Variants in PGBD2 observed in about 807,000 individuals in gnomAD.
The protein encoded by PGBD2 is piggyBac transposable element derived 2.
PGBD2 carries 6 observed loss-of-function variants against 8.1 expected under a neutral mutation model. That is an observed-to-expected ratio of 0.74 (90% confidence interval 0.40 to 1.46). The LOEUF (loss-of-function observed/expected upper bound fraction) is 1.46. PGBD2 is among the 40% of genes most tolerant of loss of function. The pLI, the probability that PGBD2 is intolerant of heterozygous loss-of-function variation, is 0.02. For synonymous variants in PGBD2, 318 were observed against 272.2 expected, an observed-to-expected ratio of 1.17 and a Z score of -1.66; for missense variants, 802 against 739.0, an observed-to-expected ratio of 1.09 and a Z score of -0.99.
chr1:248,919,857 T>A (rs1432186415), downstream of PGBD2: 2 of 164,032 alleles, frequency 1.2e-5, no homozygotes, highest in Admixed American at 6.5e-5. Context: ...GCACTTTTTT[T>A]ATACCTGTTT....
chr1:248,902,876 G>A (rs1363080460), upstream of PGBD2, among the ~76,000 whole-genome samples: 3 of 152,148 alleles, frequency 2.0e-5, no homozygotes, highest in African/African-American at 7.2e-5. Context: ...TATGGGGAGG[G>A]AGAGCATCAG....
At chr1:248,889,949 C>T in the PGBD2 span, among the ~76,000 whole-genome samples, 11 of 134,938 alleles carry the variant, frequency 8.2e-5, no homozygotes, top group African/African-American at 1.9e-4. Flanking sequence ...TTTTTTGAGA[C>T]GGAGTTTCGC....
At chr1:248,880,346 T>C in the PGBD2 span, among the ~76,000 whole-genome samples, 2 of 152,332 alleles carry the variant, frequency 1.3e-5, no homozygotes, top group African/African-American at 4.8e-5. Context: ...TTTGTAATGT[T>C]GTTGTTGCCA....
In PGBD2 at chr1:248,917,040, A is replaced by G; in HGVS notation, c.456A>G (p.Gly152=). The change falls in exon 3 of 3, where the codon GGA becomes GGG. Residue 152 remains glycine (G), a synonymous_variant. Transcript: ENST00000329291. The stretch of plus-strand genomic sequence containing the variant: ...TTTTTGAGTTGTTTTTTGATGAAGG[A>G]ACAATTAATTTCATTGTTAATGAAA... ...VGLFELFFDE[G]TINFIVNETN... 6.2e-7 allele frequency: 1 copy of G among 1,613,684 alleles called. No individual in the cohort carries two copies. Among genetic ancestry groups the G allele is most frequent in the Non-Finnish European group, 8.5e-7 (1 of 1,179,920 alleles).
At chr1:248,912,766 T>A (rs1272087420) in intron 1 of PGBD2, 2 of 151,920 alleles carry the variant, frequency 1.3e-5, no homozygotes, top group Non-Finnish European at 2.9e-5. Context: ...ATTGGTCCAA[T>A]TTTAGTATAT....
the PGBD2 span, among the ~76,000 whole-genome samples, chr1:248,889,793 G>A: frequency 1.3e-5 from 2 of 152,156 alleles, no homozygotes; most frequent in Admixed American, 6.5e-5. Context: ...AGACTCGGGG[G>A]ATATGCTTGC....
chr1:248,920,221 C>T (rs1446673800), downstream of PGBD2, among the ~76,000 whole-genome samples: 1 of 152,002 alleles, frequency 6.6e-6, no homozygotes, highest in African/African-American at 2.4e-5. Flanking sequence ...CATAGGTATA[C>T]ACGTGCCATG....
intron 1 of PGBD2, 52 bp downstream of exon 1, chr1:248,906,394 G>A (rs1442174856): frequency 6.6e-6 from 1 of 152,172 alleles, no homozygotes; most frequent in East Asian, 1.9e-4. Context: ...GAGTACAGGA[G>A]TGGTTGGCGT....
At chr1:248,929,667 T>A in the PGBD2 span, among the ~76,000 whole-genome samples, 2 of 152,190 alleles carry the variant, frequency 1.3e-5, no homozygotes, top group African/African-American at 4.8e-5. Flanking sequence ...TCAGACACCA[T>A]CATCATTAGT....
the PGBD2 span, among the ~76,000 whole-genome samples, chr1:248,896,055 T>C: frequency 6.6e-6 from 1 of 152,104 alleles, no homozygotes; most frequent in Non-Finnish European, 1.5e-5. Context: ...AAGTCTATTA[T>C]ATCATTCTTA....
chr1:248,879,267 G>A, the PGBD2 span, among the ~76,000 whole-genome samples: 3 of 152,190 alleles, frequency 2.0e-5, no homozygotes, highest in Admixed American at 6.5e-5. Context: ...TAGAGGTGGC[G>A]ATGAATGTCT....
Position 248,918,035 on chromosome 1 carries a change from C to G in PGBD2, c.1451C>G (p.Ser484Ter), listed in dbSNP as rs1662179140. 6.2e-7 allele frequency: 1 copy of G among 1,614,060 alleles called. No homozygotes were observed. Among genetic ancestry groups the G allele is most frequent in the South Asian group, 1.1e-5 (1 of 91,080 alleles). The change falls in exon 3 of 3, where the codon TCA becomes TGA. Residue 484 changes from serine (S) to a stop codon, truncating the protein, a stop_gained. Coordinates refer to ENST00000329291, the MANE Select transcript of PGBD2 (RefSeq NM_170725.3). LOFTEE classifies it low-confidence loss of function (END_TRUNC). Reference protein sequence around the residue: ...KVKIRGMKWYSSFIGYVIDAA... With the variant: ...KVKIRGMKWY Reference sequence around the variant, plus strand: ...AAGATCCGAGGCATGAAGTGGTACTCAAGCTTTATTGGCTATGTCATTGAT... The same window carrying G: ...AAGATCCGAGGCATGAAGTGGTACTGAAGCTTTATTGGCTATGTCATTGAT...
the PGBD2 span, among the ~76,000 whole-genome samples, chr1:248,898,719 G>A: frequency 2.4e-3 from 363 of 152,198 alleles, 9 homozygotes; most frequent in East Asian, 0.061. Context: ...AAAATAACCA[G>A]CTAGCATCAT....
the PGBD2 span, among the ~76,000 whole-genome samples, chr1:248,891,665 A>G: frequency 6.6e-6 from 1 of 152,102 alleles, no homozygotes; most frequent in Non-Finnish European, 1.5e-5. Context: ...CCTCATCTCT[A>G]CTAAAAATTT....
At chr1:248,880,229 C>T in the PGBD2 span, among the ~76,000 whole-genome samples, 3,840 of 152,254 alleles carry the variant, frequency 0.025, 83 homozygotes, top group Admixed American at 0.037. Context: ...GCTGTTGTCT[C>T]CACCCTGGAT....
At chr1:248,898,178 T>C in the PGBD2 span, among the ~76,000 whole-genome samples, 2 of 152,170 alleles carry the variant, frequency 1.3e-5, no homozygotes, top group African/African-American at 4.8e-5. Context: ...GTCTGGGCAG[T>C]CCAGATGACA....
At chr1:248,914,668 C>A in intron 2 of PGBD2, 1 of 1,143,874 alleles carries the variant, frequency 8.7e-7, no homozygotes, top group Middle Eastern at 3.4e-4. Flanking sequence ...GCTGCAGGGA[C>A]CTCTGTGCCT....
intron 1 of PGBD2, 131 bp downstream of exon 1, chr1:248,906,473 T>TG (rs1294975467): frequency 6.6e-6 from 1 of 150,442 alleles, no homozygotes; most frequent in Non-Finnish European, 1.5e-5. Context: ...GACGGTGGGC[T>TG]GGCGGGACCA....
intron 1 of PGBD2, among the ~76,000 whole-genome samples, chr1:248,906,954 T>A (rs1268661472): frequency 6.6e-6 from 1 of 152,006 alleles, no homozygotes; most frequent in South Asian, 2.1e-4. Context: ...TGGGATATCT[T>A]GTCAGGTGGG....
Sources: allele counts gnomAD v4.1 joint callset (sites outside exome capture counted in the v4.1 genomes callset), GRCh38; gene constraint gnomAD v4.1.1; transcripts MANE v1.5; gene names NCBI Gene and HGNC (gene_info 2026-07-23, HGNC 2026-07-21).